Variants in BOD1L1 observed in about 807,000 individuals in gnomAD.
BOD1L1 encodes biorientation of chromosomes in cell division 1 like 1, also known as biorientation of chromosomes in cell division protein 1-like 1.
In BOD1L1, 86 loss-of-function variants were observed where a neutral mutation model predicts 240.7. The observed-to-expected ratio is 0.36, with a 90% confidence interval of 0.30 to 0.43. BOD1L1 has a LOEUF of 0.43. BOD1L1 is among the 20% of genes least tolerant of loss of function. BOD1L1 has a pLI of 1.00. For synonymous variants in BOD1L1, 1,268 were observed against 1,272.3 expected (o/e 1.00, Z 0.07); for missense variants, 3,554 against 3,643.5 (o/e 0.98, Z 0.63).
intron 5 of BOD1L1, among the ~76,000 whole-genome samples, chr4:13,611,921 T>C (rs1271702444): frequency 6.6e-6 from 1 of 152,216 alleles, no homozygotes; most frequent in Non-Finnish European, 1.5e-5. Flanking sequence ...AGGTTTTCAC[T>C]TCCTACCATG....
rs960643844 is a variant in BOD1L1 at position 13,613,035 on chromosome 4, C to T, written c.1324+477G>A. ...CTGCCCTGTGTGCCTCTTCCCTTGG[C>T]TGATTTTAATCTGAGCACCTTAACT... On this transcript the variant is annotated intron_variant, in intron 5 of 25. Coordinates refer to ENST00000040738, the MANE Select transcript of BOD1L1 (RefSeq NM_148894.3). This position sits in a 1 kb window ranked among gnomAD's most constrained non-coding sequence, Gnocchi z 4.0. Among the ~76,000 whole-genome samples the T allele has an allele frequency of 5.3e-5, 8 of 152,168 alleles. No homozygotes were observed. Among genetic ancestry groups the T allele is most frequent in the Admixed American group, 5.2e-4 (8 of 15,272 alleles).
chr4:13,574,814 G>C (rs1320320111), intron 25 of BOD1L1, among the ~76,000 whole-genome samples: 3 of 152,108 alleles, frequency 2.0e-5, no homozygotes, highest in Non-Finnish European at 2.9e-5. Flanking sequence ...GAGTCCTTTG[G>C]CTCTAAAATC....
In BOD1L1 at chr4:13,620,166, G is replaced by C. The variant is rs892682027; in HGVS notation, c.244-99C>G. On this transcript the variant is annotated intron_variant, in intron 1 of 25. Coordinates refer to ENST00000040738, the MANE Select transcript of BOD1L1 (RefSeq NM_148894.3). Reference sequence around the variant, plus strand: ...TACCATGGGACAACAAAGTTTCACAGTTTCTGACAATTCTGCTTCAAGATA... The same window carrying C: ...TACCATGGGACAACAAAGTTTCACACTTTCTGACAATTCTGCTTCAAGATA... 6.4e-6 allele frequency: 8 copies of C among 1,251,618 alleles called. No individual in the cohort carries two copies. In the African/African-American group the frequency reaches 7.6e-5, roughly 12 times the overall value. 77.5% of individuals were successfully genotyped at this position (1,251,618 alleles called of 1,614,324 possible). A position where few individuals can be genotyped will look rare whatever the true frequency, so the allele number is the denominator to read the frequency against.
chr4:13,624,448 T>A (rs1349184493), intron 1 of BOD1L1: 1 of 152,244 alleles, frequency 6.6e-6, no homozygotes, highest in Non-Finnish European at 1.5e-5. Flanking sequence ...AGACCAAGTC[T>A]TGTTCTGTCT....
chr4:13,607,285 T>G (rs1715786386), intron 8 of BOD1L1, 96 bp from the exon 9 acceptor site: 1 of 493,360 alleles, frequency 2.0e-6, no homozygotes, highest in African/African-American at 2.1e-5. Flanking sequence ...ACTATAATTT[T>G]TATTTATCTT....
In BOD1L1 at chr4:13,581,199, C is replaced by A; in HGVS notation, c.8601G>T (p.Gln2867His). 4 of 1,563,488 alleles carry A rather than the reference C, an allele frequency of 2.6e-6. No individual in the cohort carries two copies. Among genetic ancestry groups the A allele is most frequent in the Non-Finnish European group, 3.5e-6 (4 of 1,152,602 alleles). Residue 2867 changes from glutamine to histidine, a missense_variant, in exon 20 of 26, where the codon CAG becomes CAT. By Grantham distance (24) the Gln-to-His change is conservative (BLOSUM62 0). Coordinates refer to ENST00000040738, the MANE Select transcript of BOD1L1 (RefSeq NM_148894.3). ...CTCTTTTCCTTTTAATAATTATTGGCTGATCTTCCTAAGGGGGAAATAAAA... is the reference window on the plus strand; with the variant it reads ...CTCTTTTCCTTTTAATAATTATTGGATGATCTTCCTAAGGGGGAAATAAAA... ...DDTIKSQEED[Q>H]PIIIKRKRGR...
intron 17 of BOD1L1, among the ~76,000 whole-genome samples, chr4:13,584,395 A>C (rs1713486470): frequency 1.3e-5 from 2 of 150,660 alleles, no homozygotes. Context: ...TGAGATGGAG[A>C]GAGTCAGCAT....
At position 13,614,608 on chromosome 4, in the gene BOD1L1, C is replaced by T. The variant is rs764159092; in HGVS notation, c.762G>A (p.Glu254=). ...TAGATTTTTCTTTATCAGCCATGTC[C>T]TCTGAAGTTCTTTCTTTGTCAGTAC... The part of the protein sequence containing the change: ...DTSTDKERTS[E]DMADKEKSTA... Residue 254 remains glutamate (E), a synonymous_variant, in exon 4 of 26, where the codon GAG becomes GAA. Transcript: ENST00000040738. The T allele has an allele frequency of 1.9e-6, 3 of 1,613,946 alleles. No homozygotes were observed. The highest frequency in any genetic ancestry group is 1.1e-5 in the South Asian group (1 of 91,080).
In BOD1L1 at chr4:13,603,024, C is replaced by G; in HGVS notation, c.3876G>C (p.Leu1292=). 1.2e-6 allele frequency: 2 copies of G among 1,614,028 alleles called. No individual in the cohort carries two copies. The highest frequency in any genetic ancestry group is 1.7e-6 in the Non-Finnish European group (2 of 1,179,878). Residue 1292 remains leucine, a synonymous_variant, in exon 10 of 26, where the codon CTG becomes CTC. Transcript: ENST00000040738. Reference sequence around the variant, plus strand: ...TTACATCTGGATCATACGATTCCCTCAGAGGCACAACAGTCACTGAACTTA... The same window carrying G: ...TTACATCTGGATCATACGATTCCCTGAGAGGCACAACAGTCACTGAACTTA... ...PSLSSVTVVP[L]RESYDPDVIP...
chr4:13,595,965 T>C, intron 11 of BOD1L1, 21 bp from the exon 12 acceptor site: 7 of 1,603,046 alleles, frequency 4.4e-6, no homozygotes, highest in East Asian at 2.2e-5. Context: ...CAAAGCACCA[T>C]AAAAATAAGT....
chr4:13,588,757 T>G lies in BOD1L1; in HGVS notation c.8245A>C (p.Ile2749Leu), dbSNP rs777164254. ...TCTGCTTCAACACTGTGACCGCTTA[T>G]GGCTTCTGCGTTGTCTTTTCTACCA... ...SSGRKDNAEA[I>L]SGHSVEADPK... The change falls in exon 15 of 26, where the codon ATA becomes CTA. Residue 2749 changes from isoleucine to leucine, a missense_variant. This residue lies in a region of BOD1L1 where 3,393 missense variants were observed against 3,427.1 expected (regional missense o/e 0.99). Coordinates refer to ENST00000040738, the MANE Select transcript of BOD1L1 (RefSeq NM_148894.3). 6.2e-7 allele frequency: 1 copy of G among 1,605,492 alleles called. No homozygotes were observed. Among genetic ancestry groups the G allele is most frequent in the African/African-American group, 1.3e-5 (1 of 74,740 alleles).
In BOD1L1 at chr4:13,603,046, C is replaced by T; in HGVS notation, c.3854G>A (p.Ser1285Asn). ...CCTCAGAGGCACAACAGTCACTGAACTTAAGGATGGTGAGGAGTCTAAATT... is the reference window on the plus strand; with the variant it reads ...CCTCAGAGGCACAACAGTCACTGAATTTAAGGATGGTGAGGAGTCTAAATT... ...STNLDSSPSL[S>N]SVTVVPLRES... is the part of the protein sequence containing the mutation. The change falls in exon 10 of 26, where the codon AGT becomes AAT. Residue 1285 changes from serine to asparagine, a missense_variant. Physicochemically the swap from Ser to Asn is conservative, Grantham distance 46. Transcript: ENST00000040738. 1 of 1,613,980 alleles carries T rather than the reference C, an allele frequency of 6.2e-7. No homozygotes were observed. Among genetic ancestry groups the T allele is most frequent in the Non-Finnish European group, 8.5e-7 (1 of 1,179,874 alleles).
At chr4:13,619,624 GA>G (rs1404381039) in intron 2 of BOD1L1, among the ~76,000 whole-genome samples, 1 of 152,196 alleles carries the variant, frequency 6.6e-6, no homozygotes, top group Non-Finnish European at 1.5e-5. Flanking sequence ...TTAGGGTCAA[GA>G]AAATAGTTGT....
chr4:13,612,607 C>G (rs759562399), intron 5 of BOD1L1, among the ~76,000 whole-genome samples: 3 of 152,132 alleles, frequency 2.0e-5, no homozygotes, highest in Non-Finnish European at 2.9e-5. Flanking sequence ...TTCTGAAAAA[C>G]AAACTGTATT....
At chr4:13,585,769 T>C (rs939649072) in intron 17 of BOD1L1, among the ~76,000 whole-genome samples, 1 of 152,118 alleles carries the variant, frequency 6.6e-6, no homozygotes, top group Non-Finnish European at 1.5e-5. Context: ...CCTGTGCTGT[T>C]CTCCTGACAG....
rs1012111793 is a variant in BOD1L1 at position 13,604,909 on chromosome 4, A to G, written c.1991T>C (p.Met664Thr). The G allele has an allele frequency of 4.3e-6, 7 of 1,613,204 alleles. No individual in the cohort carries two copies. The Admixed American group carries it at 8.4e-5, about 19-fold the overall frequency. ...GTCAGTCTCTTCCTGTACCCCCTCCATGATAACAGGGGTAGATGTCCGTCT... is the reference window on the plus strand; with the variant it reads ...GTCAGTCTCTTCCTGTACCCCCTCCGTGATAACAGGGGTAGATGTCCGTCT... Reference protein sequence around the residue: ...HKRRTSTPVIMEGVQEETDTR... With the variant: ...HKRRTSTPVITEGVQEETDTR... Residue 664 changes from methionine (M) to threonine (T), a missense_variant, in exon 10 of 26, where the codon ATG (methionine) becomes ACG (threonine). This residue lies in a region of BOD1L1 where 3,393 missense variants were observed against 3,427.1 expected (regional missense o/e 0.99). Transcript: ENST00000040738.
At chr4:13,592,234 G>T in intron 12 of BOD1L1, 1 of 361,528 alleles carries the variant, frequency 2.8e-6, no homozygotes, top group Non-Finnish European at 5.0e-6. Context: ...TCACTATGGT[G>T]ATTTAACTAT....
At chr4:13,573,886 A>G (rs1712466902) in intron 25 of BOD1L1, among the ~76,000 whole-genome samples, 1 of 152,128 alleles carries the variant, frequency 6.6e-6, no homozygotes, top group Non-Finnish European at 1.5e-5. Flanking sequence ...TATGTTGCTT[A>G]GGCTGGTCTC....
Position 13,582,681 on chromosome 4 carries a change from C to A in BOD1L1, c.8489G>T (p.Ser2830Ile). ...TTCTTCCATGACCCTTGAGGTAGTG[C>A]TATTTGTCTCAGAACTGGTTTTAGG... ...ELPKTSSETN[S>I]TTSRVMEEKD... is the part of the protein sequence containing the mutation. The change falls in exon 18 of 26, where the codon AGC becomes ATC. Residue 2830 changes from serine to isoleucine, a missense_variant. Transcript: ENST00000040738. 6.2e-7 allele frequency: 1 copy of A among 1,613,052 alleles called. No individual in the cohort carries two copies. Among genetic ancestry groups the A allele is most frequent in the Non-Finnish European group, 8.5e-7 (1 of 1,179,082 alleles).
Sources: gnomAD v4.1 joint callset for allele counts (sites outside exome capture counted in the v4.1 genomes callset) on GRCh38, gnomAD v4.1.1 for gene constraint, gnomAD v4.1.1 regional missense constraint, Gnocchi (gnomAD v3.1) non-coding constraint, MANE v1.5 for transcripts, NCBI Gene and HGNC (gene_info 2026-07-23, HGNC 2026-07-21) for gene names.